GRIK3: variants seen among roughly 807,000 people sequenced by gnomAD.
GRIK3 encodes glutamate receptor ionotropic, kainate 3.
In GRIK3, 29 loss-of-function variants were observed where a neutral mutation model predicts 102.5. The observed-to-expected ratio is 0.28, with a 90% confidence interval of 0.21 to 0.39. The LOEUF is 0.39. Ranked by LOEUF, GRIK3 falls within the 10% of genes least tolerant of loss-of-function variation. The pLI is 1.00. For missense variants in GRIK3, 908 were observed against 1,252.4 expected (o/e 0.73, Z 4.15); for synonymous variants, 511 against 504.9 (o/e 1.01, Z -0.16).
At chr1:36,973,263 C>T (rs1176436096) in intron 1 of GRIK3, among the ~76,000 whole-genome samples, 4 of 152,252 alleles carry the variant, frequency 2.6e-5, no homozygotes, top group Admixed American at 6.5e-5. Flanking sequence ...GCGTTGGCGG[C>T]GCTGGACTTC....
intron 13 of GRIK3, among the ~76,000 whole-genome samples, chr1:36,813,036 TG>T (rs1333934626): frequency 1.3e-5 from 2 of 152,210 alleles, no homozygotes; most frequent in Non-Finnish European, 2.9e-5. Context: ...CAACTGACTG[TG>T]GCTTCACTTT....
chr1:36,913,690 C>T (rs543111061), intron 1 of GRIK3, among the ~76,000 whole-genome samples: 12 of 152,170 alleles, frequency 7.9e-5, no homozygotes, highest in Non-Finnish European at 8.8e-5. Context: ...GGCAACACCA[C>T]GCCCCACAGC....
intron 9 of GRIK3, chr1:36,849,673 G>T (rs556211814): frequency 3.3e-5 from 5 of 152,648 alleles, no homozygotes; most frequent in African/African-American, 9.6e-5. Flanking sequence ...GCACAAGGGG[G>T]TCAGCAGCCT....
intron 11 of GRIK3, among the ~76,000 whole-genome samples, chr1:36,821,319 T>C (rs1170352341): frequency 1.3e-5 from 2 of 152,144 alleles, no homozygotes; most frequent in Non-Finnish European, 2.9e-5. Flanking sequence ...AGATCTAGAA[T>C]GGAGAAAGCA....
chr1:37,001,870 C>T (rs1424947626), intron 1 of GRIK3, among the ~76,000 whole-genome samples: 1 of 146,576 alleles, frequency 6.8e-6, no homozygotes, highest in Admixed American at 6.8e-5. Context: ...GTGACCGGAG[C>T]TCAGTCTTAC....
intron 5 of GRIK3, among the ~76,000 whole-genome samples, chr1:36,867,928 A>G (rs188916632): frequency 5.0e-4 from 76 of 152,258 alleles, no homozygotes; most frequent in Admixed American, 7.8e-4. Context: ...CAGGGCCTGA[A>G]GCTTTGGCCC....
At chr1:36,826,418 C>T (rs145202644) in intron 10 of GRIK3, among the ~76,000 whole-genome samples, 2,112 of 152,252 alleles carry the variant, frequency 0.014, 52 homozygotes, top group African/African-American at 0.048. Context: ...CCTGCAATCC[C>T]AGCACTTTGG....
At chr1:36,976,721 C>A (rs1350946619) in intron 1 of GRIK3, among the ~76,000 whole-genome samples, 1 of 152,158 alleles carries the variant, frequency 6.6e-6, no homozygotes, top group East Asian at 1.9e-4. Context: ...CTTCCTGGGG[C>A]TCTGAGTCAT....
At chr1:36,845,994 C>T (rs1469610061) in intron 9 of GRIK3, among the ~76,000 whole-genome samples, 1 of 152,214 alleles carries the variant, frequency 6.6e-6, no homozygotes, top group Non-Finnish European at 1.5e-5. Flanking sequence ...GGTCCTACAC[C>T]CACCCACACA....
intron 1 of GRIK3, among the ~76,000 whole-genome samples, chr1:36,966,771 C>CA (rs1258737242): frequency 1.3e-5 from 2 of 151,866 alleles, no homozygotes; most frequent in African/African-American, 4.8e-5. Context: ...GACCACCCCC[C>CA]CAACCCCTTG....
rs1183485574 is a variant in GRIK3, at chr1:36,880,946, G to C, written c.293-55C>G. The C allele has an allele frequency of 6.5e-7, 1 of 1,527,788 alleles. No homozygotes were observed. The highest frequency in any genetic ancestry group is 8.8e-7 in the Non-Finnish European group (1 of 1,130,688). 94.6% of individuals were successfully genotyped at this position (1,527,788 alleles called of 1,614,324 possible). A position where few individuals can be genotyped will look rare whatever the true frequency, so the allele number is the denominator to read the frequency against. On this transcript the variant is annotated intron_variant, in intron 2 of 15. Coordinates refer to ENST00000373091, the MANE Select transcript of GRIK3 (RefSeq NM_000831.4). This position sits in a 1 kb window ranked among gnomAD's most constrained non-coding sequence, Gnocchi z 5.4. Reference sequence around the variant, plus strand: ...TCAGCACTGGGGCTGTGGGTATGGGGACAGTGATGCTGATGATCCTGTAAA... The same window carrying C: ...TCAGCACTGGGGCTGTGGGTATGGGCACAGTGATGCTGATGATCCTGTAAA...
At chr1:36,805,547 GT>G (rs1323394330) in intron 14 of GRIK3, among the ~76,000 whole-genome samples, 1 of 152,176 alleles carries the variant, frequency 6.6e-6, no homozygotes, top group Non-Finnish European at 1.5e-5. Flanking sequence ...TCTGGGAACT[GT>G]CCCCAAACCT....
intron 1 of GRIK3, among the ~76,000 whole-genome samples, chr1:36,925,337 T>TGGCACG (rs1557427676): frequency 2.0e-5 from 3 of 152,358 alleles, no homozygotes; most frequent in South Asian, 2.1e-4. Context: ...ACATCCCTCC[T>TGGCACG]GGCAGAAGTA....
At chr1:36,977,964 T>G (rs1642212075) in intron 1 of GRIK3, among the ~76,000 whole-genome samples, 1 of 152,236 alleles carries the variant, frequency 6.6e-6, no homozygotes, top group Admixed American at 6.5e-5. Flanking sequence ...ATGGGGCTGC[T>G]CTCTGCACAT....
chr1:36,868,386 C>T (rs1262669647), intron 5 of GRIK3, among the ~76,000 whole-genome samples: 1 of 152,224 alleles, frequency 6.6e-6, no homozygotes. Flanking sequence ...TCCCTTTCTC[C>T]CAGCATGGCT....
chr1:36,864,588 G>A (rs1640762116), intron 5 of GRIK3, among the ~76,000 whole-genome samples: 1 of 152,128 alleles, frequency 6.6e-6, no homozygotes, highest in African/African-American at 2.4e-5. Flanking sequence ...TTGGGTGCTG[G>A]TGGAACCAGC....
At chr1:36,882,213 C>T (rs1368601873) in intron 2 of GRIK3, among the ~76,000 whole-genome samples, 1 of 152,154 alleles carries the variant, frequency 6.6e-6, no homozygotes, top group Non-Finnish European at 1.5e-5. Flanking sequence ...ACTGCTGTAT[C>T]GACAGTGCCG....
At chr1:36,877,687 G>A (rs1014782813) in intron 3 of GRIK3, among the ~76,000 whole-genome samples, 1 of 152,148 alleles carries the variant, frequency 6.6e-6, no homozygotes, top group Non-Finnish European at 1.5e-5. Context: ...GCTAGGTACA[G>A]TCCAACCTAG....
At chr1:36,958,576 G>T (rs1223883751) in intron 1 of GRIK3, among the ~76,000 whole-genome samples, 1 of 149,038 alleles carries the variant, frequency 6.7e-6, no homozygotes, top group Non-Finnish European at 1.5e-5. Context: ...CTGTGACTCT[G>T]TGCCCTGTGA....
Sources: gnomAD v4.1 joint callset for allele counts (sites outside exome capture counted in the v4.1 genomes callset) on GRCh38, gnomAD v4.1.1 for gene constraint, Gnocchi (gnomAD v3.1) non-coding constraint, MANE v1.5 for transcripts, NCBI Gene and HGNC (gene_info 2026-07-23, HGNC 2026-07-21) for gene names.